SLC24A3: variants seen among roughly 807,000 people sequenced by gnomAD.
SLC24A3 encodes sodium/potassium/calcium exchanger 3.
SLC24A3 carries 28 observed loss-of-function variants against 75.8 expected under a neutral mutation model. That is an observed-to-expected ratio of 0.37 (90% CI 0.27 to 0.51). The LOEUF is 0.51. SLC24A3 is among the 20% of genes least tolerant of loss of function. The pLI, the probability that SLC24A3 is intolerant of heterozygous loss-of-function variation, is 0.94. For missense variants in SLC24A3, 663 were observed against 847.8 expected (o/e 0.78, Z 2.71); for synonymous variants, 372 against 334.1 (o/e 1.11, Z -1.24).
intron 2 of SLC24A3, among the ~76,000 whole-genome samples, chr20:19,398,397 G>GTCAGA (rs1415194153): frequency 6.6e-6 from 1 of 152,060 alleles, no homozygotes; most frequent in East Asian, 1.9e-4. Flanking sequence ...CACATCTTTT[G>GTCAGA]TCAGATTTAT....
intron 6 of SLC24A3, among the ~76,000 whole-genome samples, chr20:19,629,655 G>A (rs1315022590): frequency 2.0e-5 from 3 of 152,162 alleles, no homozygotes; most frequent in African/African-American, 7.2e-5. Context: ...AGCAGCAAGA[G>A]AAAAGTGATT....
chr20:19,683,758 A>T (rs1393285463), intron 10 of SLC24A3, among the ~76,000 whole-genome samples: 2 of 152,246 alleles, frequency 1.3e-5, no homozygotes, highest in African/African-American at 4.8e-5. Flanking sequence ...CTCTTATGGT[A>T]TCATTAATTC....
At chr20:19,271,609 T>G (rs779338398) in intron 1 of SLC24A3, among the ~76,000 whole-genome samples, 7 of 151,854 alleles carry the variant, frequency 4.6e-5, no homozygotes, top group Non-Finnish European at 1.0e-4. Context: ...AACCAATGAG[T>G]GGATAAAGAA....
intron 2 of SLC24A3, among the ~76,000 whole-genome samples, chr20:19,384,689 A>T (rs969069928): frequency 6.6e-6 from 1 of 152,240 alleles, no homozygotes; most frequent in African/African-American, 2.4e-5. Context: ...TCCTTTGGAT[A>T]CATACCCCAA....
intron 15 of SLC24A3, among the ~76,000 whole-genome samples, chr20:19,707,489 T>C (rs1230853844): frequency 6.6e-6 from 1 of 152,232 alleles, no homozygotes; most frequent in Non-Finnish European, 1.5e-5. Flanking sequence ...GGTGTTATTA[T>C]AACTACGATT....
chr20:19,408,190 G>A (rs1235269053), intron 2 of SLC24A3, among the ~76,000 whole-genome samples: 3 of 152,130 alleles, frequency 2.0e-5, no homozygotes, highest in African/African-American at 4.8e-5. Flanking sequence ...GAGAAAAGTT[G>A]TAAAACACTA....
chr20:19,681,160 C>G (rs1466593580), intron 9 of SLC24A3, among the ~76,000 whole-genome samples: 1 of 152,228 alleles, frequency 6.6e-6, no homozygotes, highest in Non-Finnish European at 1.5e-5. Context: ...TCTTCCCTTC[C>G]CACCTCAGCC....
At chr20:19,468,723 T>C (rs1012235152) in intron 2 of SLC24A3, among the ~76,000 whole-genome samples, 1 of 152,200 alleles carries the variant, frequency 6.6e-6, no homozygotes, top group Non-Finnish European at 1.5e-5. Flanking sequence ...AGGCTTGTTG[T>C]CTTCTCTGGC....
At chr20:19,487,162 C>G (rs1163884235) in intron 2 of SLC24A3, among the ~76,000 whole-genome samples, 2 of 152,158 alleles carry the variant, frequency 1.3e-5, no homozygotes, top group Admixed American at 1.3e-4. Flanking sequence ...TTTAGCGTCT[C>G]CCATAGAGCT....
intron 6 of SLC24A3, among the ~76,000 whole-genome samples, chr20:19,608,986 C>T (rs532859483): frequency 5.9e-5 from 9 of 152,246 alleles, no homozygotes; most frequent in Non-Finnish European, 8.8e-5. Flanking sequence ...ATGAGGCAGA[C>T]GTGTTGAATG....
intron 9 of SLC24A3, among the ~76,000 whole-genome samples, chr20:19,679,606 G>C (rs1249704294): frequency 6.6e-6 from 1 of 151,684 alleles, no homozygotes; most frequent in South Asian, 2.1e-4. Flanking sequence ...GAGAGGGAGA[G>C]GGAGACTCAC....
At chr20:19,270,264 A>G (rs1005144203) in intron 1 of SLC24A3, among the ~76,000 whole-genome samples, 1 of 152,066 alleles carries the variant, frequency 6.6e-6, no homozygotes, top group Admixed American at 6.5e-5. Flanking sequence ...ACTGGCATCC[A>G]CTGAGAACTC....
Position 19,709,164 on chromosome 20 carries a change from G to A in SLC24A3, c.1720-8364G>A, listed in dbSNP as rs185130492. ...CCTCTGTCTCAGAATGACTCCATCCGAGGGGCAAGGGAGCTGGGGGGTTTA... is the reference window on the plus strand; with the variant it reads ...CCTCTGTCTCAGAATGACTCCATCCAAGGGGCAAGGGAGCTGGGGGGTTTA... On this transcript the variant is annotated intron_variant, in intron 15 of 16. Transcript: ENST00000328041. Among the ~76,000 whole-genome samples, 172 of 152,266 alleles carry A rather than the reference G, an allele frequency of 1.1e-3. 1 individual carries two copies. Among genetic ancestry groups the A allele is most frequent in the African/African-American group, 3.9e-3 (163 of 41,546 alleles).
chr20:19,592,348 A>G (rs2031389911), intron 6 of SLC24A3, among the ~76,000 whole-genome samples: 1 of 151,968 alleles, frequency 6.6e-6, no homozygotes, highest in South Asian at 2.1e-4. Context: ...AAATCATCAC[A>G]CTCGACTAAG....
chr20:19,298,886 A>C (rs919576303), intron 2 of SLC24A3, among the ~76,000 whole-genome samples: 1 of 152,174 alleles, frequency 6.6e-6, no homozygotes, highest in African/African-American at 2.4e-5. Context: ...TTTATACACC[A>C]CTTCCACCAG....
intron 11 of SLC24A3, 137 bp downstream of exon 11, chr20:19,684,473 C>T: frequency 9.8e-7 from 1 of 1,019,992 alleles, no homozygotes; most frequent in Non-Finnish European, 1.4e-6. Flanking sequence ...ATTTCCTAAT[C>T]TTAGTTCCCT....
At chr20:19,617,611 C>T (rs1379273833) in intron 6 of SLC24A3, among the ~76,000 whole-genome samples, 1 of 152,158 alleles carries the variant, frequency 6.6e-6, no homozygotes, top group African/African-American at 2.4e-5. Context: ...TCTGCTGTTG[C>T]AAACCAAGAC....
At chr20:19,592,389 T>C (rs2031390879) in intron 6 of SLC24A3, among the ~76,000 whole-genome samples, 1 of 152,234 alleles carries the variant, frequency 6.6e-6, no homozygotes. Context: ...TCCAATTTAT[T>C]TCCATAGCCA....
intron 2 of SLC24A3, among the ~76,000 whole-genome samples, chr20:19,363,925 G>T (rs1311293748): frequency 1.3e-5 from 2 of 152,074 alleles, no homozygotes; most frequent in East Asian, 3.9e-4. Context: ...GAGTGTCTGT[G>T]GGGAGACAGA....
Sources: allele counts gnomAD v4.1 joint callset (sites outside exome capture counted in the v4.1 genomes callset), GRCh38; gene constraint gnomAD v4.1.1; transcripts MANE v1.5; gene names NCBI Gene and HGNC (gene_info 2026-07-23, HGNC 2026-07-21).